Variants in NCK1 observed in about 807,000 individuals in gnomAD.
NCK1 encodes the protein SH2/SH3 adapter protein NCK1.
A neutral mutation model predicts 36.6 loss-of-function variants in NCK1; 19 were observed. The observed-to-expected ratio is 0.52, with a 90% CI of 0.36 to 0.76. The LOEUF is 0.76. Ranked by LOEUF, NCK1 falls within the 30% of genes least tolerant of loss-of-function variation. The pLI is 0.00. For synonymous variants in NCK1, 165 were observed against 156.0 expected (o/e 1.06, Z -0.43); for missense variants, 358 against 445.6 (o/e 0.80, Z 1.77).
intron 1 of NCK1, among the ~76,000 whole-genome samples, chr3:136,863,570 T>G (rs1290046089): frequency 6.6e-6 from 1 of 152,250 alleles, no homozygotes; most frequent in Non-Finnish European, 1.5e-5. Flanking sequence ...AATGGTGCTT[T>G]CTTTTCATCT....
intron 2 of NCK1, among the ~76,000 whole-genome samples, chr3:136,944,115 T>TTTTTTTTTTTG (rs1940747778): frequency 2.0e-5 from 1 of 50,916 alleles, no homozygotes; most frequent in Non-Finnish European, 5.0e-5. Flanking sequence ...AAACAACCTT[T>TTTTTTTTTTTG]TTTTTTTTTT....
At chr3:136,901,882 T>G (rs1939549615) in intron 1 of NCK1, among the ~76,000 whole-genome samples, 1 of 152,156 alleles carries the variant, frequency 6.6e-6, no homozygotes, top group Non-Finnish European at 1.5e-5. Flanking sequence ...GCTCTGATCT[T>G]TATTATTTCT....
At chr3:136,895,017 A>C (rs975201498) in intron 1 of NCK1, among the ~76,000 whole-genome samples, 1 of 152,144 alleles carries the variant, frequency 6.6e-6, no homozygotes, top group African/African-American at 2.4e-5. Flanking sequence ...CTGGGATTAC[A>C]GGCATGTGCC....
chr3:136,883,990 A>G (rs1010149096), intron 1 of NCK1, among the ~76,000 whole-genome samples: 5 of 152,248 alleles, frequency 3.3e-5, no homozygotes, highest in African/African-American at 1.2e-4. Flanking sequence ...AGATTGATGC[A>G]TATTCAATTT....
intron 1 of NCK1, among the ~76,000 whole-genome samples, chr3:136,875,275 G>A (rs537346713): frequency 5.5e-4 from 83 of 152,124 alleles, no homozygotes; most frequent in African/African-American, 1.8e-3. Context: ...AGGAGATTTT[G>A]GGCTGAGACA....
At chr3:136,865,683 CTT>C (rs1354131243) in intron 1 of NCK1, among the ~76,000 whole-genome samples, 1 of 152,166 alleles carries the variant, frequency 6.6e-6, no homozygotes, top group Non-Finnish European at 1.5e-5. Context: ...TTGAAGGGAA[CTT>C]TTGAAATCAC....
intron 1 of NCK1, among the ~76,000 whole-genome samples, chr3:136,879,812 G>T (rs1195999685): frequency 6.6e-6 from 1 of 151,840 alleles, no homozygotes; most frequent in Non-Finnish European, 1.5e-5. Context: ...TGGACACAGG[G>T]AGGGGAACAT....
intron 1 of NCK1, among the ~76,000 whole-genome samples, chr3:136,890,659 C>T (rs972231150): frequency 7.2e-5 from 11 of 152,180 alleles, no homozygotes; most frequent in Non-Finnish European, 1.3e-4. Context: ...TGAGTTTTTT[C>T]TCCCTTATGC....
rs1247434257 is a variant in NCK1 at position 136,928,746 on chromosome 3, T to A, written c.226+519T>A. On this transcript the variant is annotated intron_variant, in intron 2 of 3. Transcript: ENST00000481752. ...TCCCTTTATTTCTCCAAAGTTTTTG[T>A]TTTTTATTTTTACTGGCCCTCCATT... 2 of 153,100 alleles carry A rather than the reference T, an allele frequency of 1.3e-5. 1 individual carries two copies. Among genetic ancestry groups the A allele is most frequent in the African/African-American group, 4.8e-5 (2 of 41,410 alleles). The allele number at this position is 153,100 out of a possible 1,614,324, so 9.5% of individuals were successfully genotyped here.
intron 2 of NCK1, among the ~76,000 whole-genome samples, chr3:136,939,429 T>A (rs749611471): frequency 2.6e-5 from 4 of 152,160 alleles, no homozygotes; most frequent in Non-Finnish European, 5.9e-5. Context: ...TTTGTTGATT[T>A]CCTCTGTTTT....
At chr3:136,946,856 G>A (rs1395774949) in intron 3 of NCK1, 1 of 152,250 alleles carries the variant, frequency 6.6e-6, no homozygotes, top group Non-Finnish European at 1.5e-5. Flanking sequence ...AAATTATATT[G>A]CAATACTAGT....
At chr3:136,927,557 C>T (rs1940273918) in intron 1 of NCK1, among the ~76,000 whole-genome samples, 1 of 151,892 alleles carries the variant, frequency 6.6e-6, no homozygotes, top group South Asian at 2.1e-4. Flanking sequence ...GATTCTCCCT[C>T]TGTCGCCAGG....
intron 1 of NCK1, among the ~76,000 whole-genome samples, chr3:136,901,845 T>G (rs1322954693): frequency 6.6e-6 from 1 of 152,186 alleles, no homozygotes; most frequent in Non-Finnish European, 1.5e-5. Flanking sequence ...TTTTGTGCTT[T>G]TTAAAAAAGT....
intron 1 of NCK1, among the ~76,000 whole-genome samples, chr3:136,918,207 G>A (rs1940013911): frequency 6.6e-6 from 1 of 151,974 alleles, no homozygotes; most frequent in South Asian, 2.1e-4. Context: ...ATTCTTTATA[G>A]ATACATATCT....
chr3:136,926,313 G>A (rs974432582), intron 1 of NCK1, among the ~76,000 whole-genome samples: 2 of 150,224 alleles, frequency 1.3e-5, no homozygotes, highest in African/African-American at 2.4e-5. Context: ...CTCGCTCTGC[G>A]GCCCAGGCTG....
chr3:136,901,166 A>C (rs1288995961), intron 1 of NCK1, among the ~76,000 whole-genome samples: 2 of 151,950 alleles, frequency 1.3e-5, no homozygotes, highest in African/African-American at 4.8e-5. Context: ...TGAGATGAAC[A>C]TATGGTTTTG....
At chr3:136,887,250 C>T (rs190287965) in intron 1 of NCK1, among the ~76,000 whole-genome samples, 1 of 152,266 alleles carries the variant, frequency 6.6e-6, no homozygotes, top group East Asian at 1.9e-4. Flanking sequence ...GCTGTGTGGC[C>T]TCCAACTCTT....
chr3:136,893,266 C>T (rs550102002), intron 1 of NCK1, among the ~76,000 whole-genome samples: 40 of 150,158 alleles, frequency 2.7e-4, no homozygotes, highest in Middle Eastern at 6.9e-3. Context: ...TGGGATTGCT[C>T]GATCTACTTT....
intron 1 of NCK1, among the ~76,000 whole-genome samples, chr3:136,924,509 T>G (rs972015569): frequency 6.6e-6 from 1 of 152,182 alleles, no homozygotes; most frequent in Admixed American, 6.5e-5. Flanking sequence ...ACACCAACTG[T>G]AAGAATGTTT....
Sources: gnomAD v4.1 joint callset for allele counts (sites outside exome capture counted in the v4.1 genomes callset) on GRCh38, gnomAD v4.1.1 for gene constraint, MANE v1.5 for transcripts, NCBI Gene and HGNC (gene_info 2026-07-23, HGNC 2026-07-21) for gene names.